The following ARHGAP12 variants were observed in gnomAD, a reference collection of about 807,000 sequenced individuals.
The protein encoded by ARHGAP12 is rho GTPase-activating protein 12.
Under a neutral mutation model 108.6 loss-of-function variants are expected in ARHGAP12, and 64 were observed. The ratio of observed to expected loss-of-function variants is 0.59; its 90% CI spans 0.48 to 0.73. ARHGAP12 has a LOEUF of 0.73. Among genes scored for constraint, ARHGAP12 ranks in the 30% least tolerant of loss-of-function variants. The pLI is 0.00. For synonymous variants in ARHGAP12, 312 were observed against 337.2 expected (o/e 0.93, Z 0.82); for missense variants, 940 against 1,005.9 (o/e 0.93, Z 0.89).
At chr10:31,833,480 T>C (rs1461690641) in intron 9 of ARHGAP12, among the ~76,000 whole-genome samples, 1 of 152,076 alleles carries the variant, frequency 6.6e-6, no homozygotes, top group Non-Finnish European at 1.5e-5. Flanking sequence ...AATCAACGGA[T>C]AGACTGAAAC....
intron 3 of ARHGAP12, among the ~76,000 whole-genome samples, chr10:31,905,209 A>G (rs1387657941): frequency 6.6e-6 from 1 of 152,124 alleles, no homozygotes; most frequent in Non-Finnish European, 1.5e-5. Context: ...ACTGATTATT[A>G]ATCTTGTTGG....
intron 4 of ARHGAP12, among the ~76,000 whole-genome samples, chr10:31,860,737 T>C (rs1837081971): frequency 6.6e-6 from 1 of 152,150 alleles, no homozygotes; most frequent in Non-Finnish European, 1.5e-5. Flanking sequence ...AAATATATTA[T>C]TTCTATTTAT....
intron 14 of ARHGAP12, among the ~76,000 whole-genome samples, chr10:31,813,593 C>A (rs1409684819): frequency 6.6e-6 from 1 of 152,002 alleles, no homozygotes; most frequent in Non-Finnish European, 1.5e-5. Flanking sequence ...AAAAGTAGTA[C>A]TGATTTTCTA....
intron 11 of ARHGAP12, among the ~76,000 whole-genome samples, chr10:31,822,832 G>A (rs1258550100): frequency 6.6e-6 from 1 of 151,944 alleles, no homozygotes; most frequent in African/African-American, 2.4e-5. Context: ...TCCTCTGGGG[G>A]ACATCTGGTA....
At chr10:31,921,620 T>A (rs1163140146) in intron 1 of ARHGAP12, among the ~76,000 whole-genome samples, 2 of 151,536 alleles carry the variant, frequency 1.3e-5, no homozygotes, top group African/African-American at 4.8e-5. Flanking sequence ...AAAAATGAGC[T>A]GGGCATGGTG....
intron 3 of ARHGAP12, among the ~76,000 whole-genome samples, chr10:31,888,787 C>T (rs1838284343): frequency 6.6e-6 from 1 of 151,916 alleles, no homozygotes; most frequent in Non-Finnish European, 1.5e-5. Context: ...GAGGTAAAAG[C>T]ACACAGAGTT....
intron 9 of ARHGAP12, among the ~76,000 whole-genome samples, chr10:31,832,650 C>A (rs1371105103): frequency 6.6e-6 from 1 of 152,168 alleles, no homozygotes; most frequent in Non-Finnish European, 1.5e-5. Flanking sequence ...CTAAAGCACT[C>A]ATACACACGC....
chr10:31,855,506 T>C (rs1423955883), intron 4 of ARHGAP12, among the ~76,000 whole-genome samples: 1 of 152,180 alleles, frequency 6.6e-6, no homozygotes, highest in East Asian at 1.9e-4. Flanking sequence ...AGCCTAATAT[T>C]AATATGTTCA....
At chr10:31,874,229 C>T (rs1261261466) in intron 3 of ARHGAP12, among the ~76,000 whole-genome samples, 1 of 152,080 alleles carries the variant, frequency 6.6e-6, no homozygotes, top group African/African-American at 2.4e-5. Flanking sequence ...TTTAAATGCC[C>T]AACATACCAT....
chr10:31,883,566 A>G lies in ARHGAP12; in HGVS notation c.685-21908T>C, dbSNP rs201576955. ...ACAGTCTGACCAGAAACTACAGGAAATCTTTCCTTCCTCTTTCCATCCTTA... is the reference window on the plus strand; with the variant it reads ...ACAGTCTGACCAGAAACTACAGGAAGTCTTTCCTTCCTCTTTCCATCCTTA... On this transcript the variant is annotated intron_variant, in intron 3 of 19. Transcript: ENST00000344936. Among the ~76,000 whole-genome samples the G allele has an allele frequency of 3.9e-5, 6 of 152,306 alleles. No homozygotes were observed. The East Asian group carries it at 1.2e-3, about 29-fold the overall frequency.
intron 6 of ARHGAP12, among the ~76,000 whole-genome samples, chr10:31,844,302 T>C (rs991535384): frequency 1.3e-5 from 2 of 152,230 alleles, no homozygotes; most frequent in Non-Finnish European, 2.9e-5. Flanking sequence ...CAGACAAAGA[T>C]ATTCTTTGAT....
At chr10:31,892,680 G>A (rs974511779) in intron 3 of ARHGAP12, among the ~76,000 whole-genome samples, 8 of 152,202 alleles carry the variant, frequency 5.3e-5, no homozygotes, top group Middle Eastern at 6.8e-3. Flanking sequence ...CACTGTCAAC[G>A]TTAGACAGAT....
rs142244826 is a variant in ARHGAP12 at position 31,920,665 on chromosome 10, AGTTTTT to A, written c.-111+8012_-111+8017del. On this transcript the variant is annotated intron_variant, in intron 1 of 19. Transcript: ENST00000344936. ...TATCACTACACATCAACTACAATAA[AGTTTTT>A]GTTTTTGTTTTTGTTTTAAAAAAGA... Among the ~76,000 whole-genome samples the A allele has an allele frequency of 1.1e-3, 164 of 152,080 alleles. 1 individual carries two copies. The highest frequency in any genetic ancestry group is 3.4e-3 in the Middle Eastern group (1 of 294).
intron 3 of ARHGAP12, among the ~76,000 whole-genome samples, chr10:31,903,018 T>C (rs1481272776): frequency 6.6e-6 from 1 of 152,198 alleles, no homozygotes; most frequent in Non-Finnish European, 1.5e-5. Context: ...AGCCTATCAA[T>C]TTGAAGTGCA....
chr10:31,901,515 CAG>C lies in ARHGAP12; in HGVS notation c.684+6655_684+6656del, dbSNP rs1268539247. ...ATCACTGTACTCCAGGCTTGGGTGA[CAG>C]AGCAAAAACCTGGTCTCAAAAAAAA... On this transcript the variant is annotated intron_variant, in intron 3 of 19. Coordinates refer to ENST00000344936, the MANE Select transcript of ARHGAP12 (RefSeq NM_018287.7). 4.6e-5 allele frequency among the ~76,000 whole-genome samples: 4 copies of C among 86,390 alleles called. No homozygotes were observed. In the East Asian group the frequency reaches 1.3e-3, roughly 29 times the overall value. The allele number at this position is 86,390 out of a possible 152,430, so 56.7% of individuals were successfully genotyped here. A position where few individuals can be genotyped will look rare whatever the true frequency, so the allele number is the denominator to read the frequency against.
At chr10:31,828,680 AG>A (rs1835716464) in intron 10 of ARHGAP12, among the ~76,000 whole-genome samples, 1 of 152,198 alleles carries the variant, frequency 6.6e-6, no homozygotes, top group African/African-American at 2.4e-5. Context: ...CTTAGTTGCA[AG>A]GTGAATTAGT....
chr10:31,841,146 GAAAT>G (rs1245669306), intron 7 of ARHGAP12, among the ~76,000 whole-genome samples: 2 of 151,616 alleles, frequency 1.3e-5, no homozygotes, highest in Non-Finnish European at 2.9e-5. Context: ...TTATAAACAA[GAAAT>G]AATTTTACAT....
chr10:31,897,633 T>C (rs899272289), intron 3 of ARHGAP12, among the ~76,000 whole-genome samples: 1 of 152,114 alleles, frequency 6.6e-6, no homozygotes, highest in Non-Finnish European at 1.5e-5. Flanking sequence ...CAGCGAACAT[T>C]AAAAGCAATC....
At chr10:31,870,233 T>C (rs2132332638) in intron 3 of ARHGAP12, among the ~76,000 whole-genome samples, 1 of 149,924 alleles carries the variant, frequency 6.7e-6, no homozygotes, top group East Asian at 1.9e-4. Context: ...TTTCTGTCTT[T>C]TTTTTTTTTT....
Sources: gnomAD v4.1 joint callset for allele counts (sites outside exome capture counted in the v4.1 genomes callset) on GRCh38, gnomAD v4.1.1 for gene constraint, MANE v1.5 for transcripts, NCBI Gene and HGNC (gene_info 2026-07-23, HGNC 2026-07-21) for gene names.